Variants in SYNE3 observed in about 807,000 individuals in gnomAD.
SYNE3 encodes the protein nesprin-3.
Under a neutral mutation model 111.2 loss-of-function variants are expected in SYNE3, and 100 were observed. That is an observed-to-expected ratio of 0.90 (90% CI 0.77 to 1.06). The LOEUF (loss-of-function observed/expected upper bound fraction) is 1.06. SYNE3 is among the 50% of genes least tolerant of loss of function. The pLI, the probability that SYNE3 is intolerant of heterozygous loss-of-function variation, is 0.00. For synonymous variants in SYNE3, 547 were observed against 533.9 expected (o/e 1.02, Z -0.34); for missense variants, 1,160 against 1,240.3 (o/e 0.94, Z 0.97).
chr14:95,429,243 G>A, intron 17 of SYNE3, among the ~76,000 whole-genome samples: 1 of 152,248 alleles, frequency 6.6e-6, no homozygotes, highest in Non-Finnish European at 1.5e-5. Context: ...CAGCACTTGA[G>A]AACCTACTAT....
chr14:95,452,401 A>G lies in SYNE3; in HGVS notation c.1138-18T>C, dbSNP rs184922359. ...CGTGTTGCCTGCAGCACATGACGAC[A>G]CCGCAGCGGGAGGTGAGGCTCCTCA... On this transcript the variant is annotated intron_variant, in intron 6 of 17. Transcript: ENST00000682763. 8 of 1,596,478 alleles carry G rather than the reference A, an allele frequency of 5.0e-6. No individual in the cohort carries two copies. The East Asian group carries it at 1.3e-4, about 27-fold the overall frequency.
chr14:95,467,444 C>A (rs574463518), intron 3 of SYNE3, among the ~76,000 whole-genome samples: 1 of 152,250 alleles, frequency 6.6e-6, no homozygotes, highest in African/African-American at 2.4e-5. Context: ...CCTGTCCCGG[C>A]CAACCACCAC....
chr14:95,417,531 C>T lies in SYNE3; in HGVS notation c.*295G>A, dbSNP rs1903618191. ...GAGCCATTGCTAGGAATTTTCCCAA[C>T]TCCAAATAGAACTCGTATATGAAAT... On this transcript the variant is annotated 3_prime_UTR_variant, in exon 18 of 18. Transcript: ENST00000682763. The T allele has an allele frequency of 2.5e-6, 1 of 407,430 alleles. No individual in the cohort carries two copies. 25.2% of individuals were successfully genotyped at this position (407,430 alleles called of 1,614,324 possible).
chr14:95,473,543 C>G (rs1415514373), intron 2 of SYNE3, among the ~76,000 whole-genome samples: 1 of 152,068 alleles, frequency 6.6e-6, no homozygotes, highest in East Asian at 1.9e-4. Context: ...GCATTCCAAG[C>G]AGAGGCAACA....
At position 95,408,584 on chromosome 14, in the gene SYNE3, G is replaced by A. The variant is rs1250423056; in HGVS notation, c.*9242C>T. The A allele has an allele frequency of 1.3e-5, 2 of 155,346 alleles. No individual in the cohort carries two copies. Among genetic ancestry groups the A allele is most frequent in the Non-Finnish European group, 2.9e-5 (2 of 69,864 alleles). 9.6% of individuals were successfully genotyped at this position (155,346 alleles called of 1,614,324 possible). ...CTCCCTGGCTTCTGAGAGACCACAG[G>A]CTGGTGTCTGTTGTGCTGAAGCCCA... On this transcript the variant is annotated 3_prime_UTR_variant, in exon 18 of 18. Transcript: ENST00000682763.
intron 2 of SYNE3, among the ~76,000 whole-genome samples, chr14:95,468,993 G>A (rs981359010): frequency 6.6e-6 from 1 of 152,304 alleles, no homozygotes; most frequent in Admixed American, 6.5e-5. Flanking sequence ...CTAGGCCTAA[G>A]AATGAGGGAA....
At chr14:95,476,020 G>A (rs550915820) in intron 1 of SYNE3, among the ~76,000 whole-genome samples, 185 bp from the exon 2 acceptor site, 136 of 152,366 alleles carry the variant, frequency 8.9e-4, no homozygotes, top group African/African-American at 3.0e-3. Context: ...AATGAAAACA[G>A]GTCTGGCCTC....
intron 2 of SYNE3, 144 bp downstream of exon 2, chr14:95,475,534 C>T (rs750313486): frequency 1.1e-4 from 109 of 1,037,936 alleles, no homozygotes; most frequent in Non-Finnish European, 1.3e-4. Flanking sequence ...AACAAAATCT[C>T]CAGGAGATCT....
intron 1 of SYNE3, among the ~76,000 whole-genome samples, chr14:95,497,454 GA>G (rs77144662): frequency 6.6e-6 from 1 of 151,612 alleles, no homozygotes; most frequent in South Asian, 2.1e-4. Context: ...CCCGAGGGGA[GA>G]AAAAAAAAGA....
rs574563186 is a variant in SYNE3, at chr14:95,446,090, G to A, written c.1451C>T (p.Ala484Val). 5.0e-6 allele frequency: 8 copies of A among 1,613,896 alleles called. No individual in the cohort carries two copies. The African/African-American group carries it at 1.1e-4, about 22-fold the overall frequency. The change falls in exon 9 of 18, where the codon GCA (alanine) becomes GTA (valine). Residue 484 changes from alanine (A) to valine (V), a missense_variant and splice_region_variant. Transcript: ENST00000682763. Reference protein sequence around the residue: ...SLHTFLPQIEAALMESSRLKE... With the variant: ...SLHTFLPQIEVALMESSRLKE... ...CAGGCGGGAGCTTTCCATCAGGGCT[G>A]CCTGTGGGAGACAAGGCTTCCGTGA...
chr14:95,427,789 GC>G (rs67337463), intron 17 of SYNE3, among the ~76,000 whole-genome samples: 152,263 of 152,268 alleles, frequency 1, 76,129 homozygotes, highest in Middle Eastern at 1. Context: ...GGTCCCCAGG[GC>G]CCCAGCTGTC....
At chr14:95,449,765 G>A (rs959921595) in intron 8 of SYNE3, 166 bp downstream of exon 8, 48 of 948,864 alleles carry the variant, frequency 5.1e-5, no homozygotes, top group Non-Finnish European at 5.8e-5. Flanking sequence ...TAACAAGCAA[G>A]CATGGACGCT....
At chr14:95,505,205 G>A (rs146299950) in intron 1 of SYNE3, among the ~76,000 whole-genome samples, 229 of 152,374 alleles carry the variant, frequency 1.5e-3, no homozygotes, top group African/African-American at 5.4e-3. Context: ...ACGCGGCAGC[G>A]CTGAACCCCG....
intron 15 of SYNE3, among the ~76,000 whole-genome samples, chr14:95,434,727 G>A (rs978333339): frequency 4.6e-5 from 7 of 152,080 alleles, no homozygotes; most frequent in South Asian, 2.1e-4. Flanking sequence ...GCGCGATCTC[G>A]GCTCACCGCA....
chr14:95,486,521 T>C (rs1302568661), intron 1 of SYNE3, among the ~76,000 whole-genome samples: 1 of 152,098 alleles, frequency 6.6e-6, no homozygotes, highest in South Asian at 2.1e-4. Flanking sequence ...GGCCCTGCCT[T>C]CCCTGACATC....
chr14:95,421,259 G>C (rs1885108908), intron 17 of SYNE3, among the ~76,000 whole-genome samples: 2 of 152,238 alleles, frequency 1.3e-5, no homozygotes, highest in South Asian at 4.2e-4. Flanking sequence ...ATGGGGGTGG[G>C]GAGGGAGTAT....
intron 16 of SYNE3, 71 bp from the exon 17 acceptor site, chr14:95,432,188 C>A: frequency 6.6e-7 from 1 of 1,525,088 alleles, no homozygotes; most frequent in Non-Finnish European, 9.0e-7. Flanking sequence ...TAAATCCCAA[C>A]AGAGCCTGTA....
At chr14:95,503,617 T>TTTC (rs1450729123) in intron 1 of SYNE3, among the ~76,000 whole-genome samples, 2 of 141,102 alleles carry the variant, frequency 1.4e-5, no homozygotes, top group East Asian at 4.0e-4. Context: ...TACCTTTTTT[T>TTTC]TTTTTTTTTT....
rs748245892 is a variant in SYNE3 at position 95,433,277 on chromosome 14, C to T, written c.2671G>A (p.Asp891Asn). 2 of 1,613,986 alleles carry T rather than the reference C, an allele frequency of 1.2e-6. No individual in the cohort carries two copies. The highest frequency in any genetic ancestry group is 3.3e-5 in the Admixed American group (2 of 60,020). Reference protein sequence around the residue: ...QWMLYKSKLKDSGHLLTQSSP... With the variant: ...QWMLYKSKLKNSGHLLTQSSP... ...GCACCTACCAGCAGGTGGCCAGAGT[C>T]CTTCAGCTTGGACTTGTACAGCATC... The change falls in exon 16 of 18, where the codon GAC (aspartate) becomes AAC (asparagine). Residue 891 changes from aspartate (D) to asparagine (N), a missense_variant. Physicochemically the swap from Asp to Asn is conservative, Grantham distance 23. Coordinates refer to ENST00000682763, the MANE Select transcript of SYNE3 (RefSeq NM_152592.6).
Sources: allele counts gnomAD v4.1 joint callset (sites outside exome capture counted in the v4.1 genomes callset), GRCh38; gene constraint gnomAD v4.1.1; transcripts MANE v1.5; gene names NCBI Gene and HGNC (gene_info 2026-07-23, HGNC 2026-07-21).